Variants in TUBE1 observed in about 807,000 individuals in gnomAD.
TUBE1 encodes tubulin epsilon chain.
Under a neutral mutation model 53.5 loss-of-function variants are expected in TUBE1, and 34 were observed. That is an observed-to-expected ratio of 0.64 (90% CI 0.48 to 0.85). The LOEUF is 0.85. Ranked by LOEUF, TUBE1 falls within the 40% of genes least tolerant of loss-of-function variation. The pLI, the probability that TUBE1 is intolerant of heterozygous loss-of-function variation, is 0.00. For missense variants in TUBE1, 532 were observed against 570.5 expected (o/e 0.93, Z 0.69); for synonymous variants, 177 against 198.4 (o/e 0.89, Z 0.91).
chr6:112,071,040 G>T lies in TUBE1; in HGVS notation c.*372C>A, dbSNP rs980097974. ...TTAAAGAATCAGGATAACTTAAATAGAATATCAAAATATAAATTATAAATA... is the reference window on the plus strand; with the variant it reads ...TTAAAGAATCAGGATAACTTAAATATAATATCAAAATATAAATTATAAATA... On this transcript the variant is annotated 3_prime_UTR_variant, in exon 12 of 12. Transcript: ENST00000368662. 1 of 151,742 alleles carries T rather than the reference G, an allele frequency of 6.6e-6. No individual in the cohort carries two copies. Among genetic ancestry groups the T allele is most frequent in the African/African-American group, 2.4e-5 (1 of 41,390 alleles). The allele number at this position is 151,742 out of a possible 1,614,324, so 9.4% of individuals were successfully genotyped here. A position where few individuals can be genotyped will look rare whatever the true frequency, so the allele number is the denominator to read the frequency against.
Position 112,076,453 on chromosome 6 carries a change from C to T in TUBE1, c.505G>A (p.Glu169Lys). The change falls in exon 7 of 12, where the codon GAA (glutamate) becomes AAA (lysine). Residue 169 changes from glutamate (E) to lysine (K), a missense_variant. By Grantham distance (56) the Glu-to-Lys change is moderately conservative (BLOSUM62 1). Coordinates refer to ENST00000368662, the MANE Select transcript of TUBE1 (RefSeq NM_016262.5). ...LLKVLEDEFP[E>K]VYRFVTSIYP... Reference sequence around the variant, plus strand: ...ATGGAAGTCACAAATCTGTATACTTCTGGGAATTCGTCTTCAAGCACCTTT... The same window carrying T: ...ATGGAAGTCACAAATCTGTATACTTTTGGGAATTCGTCTTCAAGCACCTTT... The T allele has an allele frequency of 6.2e-7, 1 of 1,613,300 alleles. No individual in the cohort carries two copies. Among genetic ancestry groups the T allele is most frequent in the East Asian group, 2.2e-5 (1 of 44,818 alleles).
intron 2 of TUBE1, 145 bp downstream of exon 2, chr6:112,087,086 AAC>A: frequency 2.8e-6 from 2 of 708,694 alleles, no homozygotes; most frequent in South Asian, 3.8e-5. Context: ...TGTCTGACGC[AAC>A]ATGTTTAAAA....
intron 10 of TUBE1, among the ~76,000 whole-genome samples, chr6:112,072,448 T>C (rs1464311080): frequency 6.6e-6 from 1 of 151,952 alleles, no homozygotes; most frequent in Non-Finnish European, 1.5e-5. Flanking sequence ...AAATCAGAAG[T>C]AGTAGTAGTA....
intron 4 of TUBE1, among the ~76,000 whole-genome samples, chr6:112,082,508 C>T (rs1777086404): frequency 6.6e-6 from 1 of 152,166 alleles, no homozygotes; most frequent in Non-Finnish European, 1.5e-5. Context: ...TGCTATCTGG[C>T]AAGGGAGGCA....
chr6:112,071,598 T>G (rs782323387), intron 11 of TUBE1, 28 bp from the exon 12 acceptor site: 1 of 1,553,074 alleles, frequency 6.4e-7, no homozygotes, highest in Non-Finnish European at 8.8e-7. Context: ...AGGTAACGTT[T>G]ACCATTTCAG....
intron 3 of TUBE1, among the ~76,000 whole-genome samples, chr6:112,084,475 C>T (rs1777118503): frequency 6.6e-6 from 1 of 152,164 alleles, no homozygotes; most frequent in African/African-American, 2.4e-5. Flanking sequence ...CCATGTAATC[C>T]AGTTCTAGCC....
At chr6:112,084,783 T>C (rs781823550) in intron 3 of TUBE1, among the ~76,000 whole-genome samples, 3 of 152,222 alleles carry the variant, frequency 2.0e-5, no homozygotes, top group Admixed American at 6.5e-5. Context: ...AATGTAGTTT[T>C]CTATTGCAGT....
intron 6 of TUBE1, 186 bp downstream of exon 6, chr6:112,079,447 G>T (rs1709866): frequency 0.021 from 7,891 of 380,612 alleles, 520 homozygotes; most frequent in African/African-American, 0.15. Context: ...GAAAAGAAAA[G>T]AAAATAGTGA....
rs587627071 is a variant in TUBE1 at position 112,076,571 on chromosome 6, T to C, written c.449-62A>G. On this transcript the variant is annotated intron_variant, in intron 6 of 11. Transcript: ENST00000368662. ...GATTCAGAATATAATTGTGAAGAAT[T>C]TGAAACTTTATTTTTTTTGAGACAG... 4.3e-5 allele frequency: 62 copies of C among 1,443,620 alleles called. 2 individuals are homozygous for C. In the East Asian group the frequency reaches 8.5e-4, roughly 20 times the overall value. The allele number at this position is 1,443,620 out of a possible 1,614,324, so 89.4% of individuals were successfully genotyped here. A position where few individuals can be genotyped will look rare whatever the true frequency, so the allele number is the denominator to read the frequency against.
intron 5 of TUBE1, 95 bp downstream of exon 5, chr6:112,080,997 A>G: frequency 1.3e-6 from 1 of 784,668 alleles, no homozygotes; most frequent in South Asian, 2.0e-5. Context: ...TATGTGGCAA[A>G]TTACATCCTG....
rs782120512 is a variant in TUBE1 at position 112,086,546 on chromosome 6, C to A, written c.152+10G>T. ...GTATCACACTGTGACAGACTTTAAT[C>A]CCATCTTACCTGGTGTCCACATTTC... On this transcript the variant is annotated intron_variant, in intron 3 of 11. Coordinates refer to ENST00000368662, the MANE Select transcript of TUBE1 (RefSeq NM_016262.5). 6.2e-7 allele frequency: 1 copy of A among 1,608,830 alleles called. No individual in the cohort carries two copies. The highest frequency in any genetic ancestry group is 8.5e-7 in the Non-Finnish European group (1 of 1,176,016).
intron 4 of TUBE1, among the ~76,000 whole-genome samples, chr6:112,081,887 G>C (rs587775906): frequency 6.6e-6 from 1 of 151,124 alleles, no homozygotes; most frequent in African/African-American, 2.4e-5. Flanking sequence ...TACATGTCCC[G>C]TCCTCCCACT....
At position 112,087,456 on chromosome 6, in the gene TUBE1, G is replaced by C. The variant is rs182369129; in HGVS notation, c.-22C>G. The C allele has an allele frequency of 6.5e-7, 1 of 1,549,368 alleles. No individual in the cohort carries two copies. The highest frequency in any genetic ancestry group is 1.2e-5 in the South Asian group (1 of 83,992). ...TCATGGTGGTGCGCCGCCGGCTCCG[G>C]GAGCTTGCTAGCCCGCGGCCGCTTC... On this transcript the variant is annotated 5_prime_UTR_variant, in exon 1 of 12. Transcript: ENST00000368662.
At chr6:112,086,809 A>T (rs1777165979) in intron 2 of TUBE1, 1 of 531,450 alleles carries the variant, frequency 1.9e-6, no homozygotes, top group Non-Finnish European at 3.3e-6. Flanking sequence ...AAAGTTCAGC[A>T]GGGGGTGCTA....
Position 112,072,963 on chromosome 6 carries a change from T to C in TUBE1, c.954-65A>G, listed in dbSNP as rs587691600. 4.7e-5 allele frequency: 71 copies of C among 1,517,996 alleles called. No individual in the cohort carries two copies. The African/African-American group carries it at 9.5e-4, about 20-fold the overall frequency. 94.0% of individuals were successfully genotyped at this position (1,517,996 alleles called of 1,614,324 possible). A position where few individuals can be genotyped will look rare whatever the true frequency, so the allele number is the denominator to read the frequency against. On this transcript the variant is annotated intron_variant, in intron 9 of 11. Coordinates refer to ENST00000368662, the MANE Select transcript of TUBE1 (RefSeq NM_016262.5). ...CTTCTTTCTATGTATAACTATAAAA[T>C]GAAGATAGTCCTCTATAAGTAAGAA...
At chr6:112,081,895 A>G (rs1554316814) in intron 4 of TUBE1, among the ~76,000 whole-genome samples, 1 of 151,992 alleles carries the variant, frequency 6.6e-6, no homozygotes, top group African/African-American at 2.4e-5. Context: ...CCGTCCTCCC[A>G]CTTCCCTTAC....
chr6:112,080,631 G>A (rs17073295), intron 5 of TUBE1, among the ~76,000 whole-genome samples: 3,275 of 152,166 alleles, frequency 0.022, 117 homozygotes, highest in African/African-American at 0.076. Context: ...AGTAATCACT[G>A]TTGAAGCTTT....
At chr6:112,077,999 GA>G (rs1263863616) in intron 6 of TUBE1, 2 of 151,970 alleles carry the variant, frequency 1.3e-5, no homozygotes, top group African/African-American at 4.8e-5. Context: ...ATTGCAAATA[GA>G]AGTAAAGATG....
Position 112,071,131 on chromosome 6 carries a change from G to T in TUBE1, c.*281C>A. On this transcript the variant is annotated 3_prime_UTR_variant, in exon 12 of 12. Transcript: ENST00000368662. ...CATCAGTGCATAAATGCCTAAATAT[G>T]AGGCTATAAATACAGCAAAATATTC... is the stretch of plus-strand genomic sequence containing the variant. 8.9e-6 allele frequency: 2 copies of T among 223,752 alleles called. No homozygotes were observed. The highest frequency in any genetic ancestry group is 1.7e-5 in the Non-Finnish European group (2 of 115,306). The allele number at this position is 223,752 out of a possible 1,614,324, so 13.9% of individuals were successfully genotyped here. A position where few individuals can be genotyped will look rare whatever the true frequency, so the allele number is the denominator to read the frequency against.
Sources: allele counts gnomAD v4.1 joint callset (sites outside exome capture counted in the v4.1 genomes callset), GRCh38; gene constraint gnomAD v4.1.1; transcripts MANE v1.5; gene names NCBI Gene and HGNC (gene_info 2026-07-23, HGNC 2026-07-21).